Variants in ADAMTS17 observed in about 807,000 individuals in gnomAD.
ADAMTS17 encodes ADAM metallopeptidase with thrombospondin type 1 motif 17.
ADAMTS17 carries 113 observed loss-of-function variants against 141.5 expected under a neutral mutation model. That is an observed-to-expected ratio of 0.80 (90% CI 0.69 to 0.93). The LOEUF is 0.93. Ranked by LOEUF, ADAMTS17 falls within the 40% of genes least tolerant of loss-of-function variation. The pLI is 0.00. For missense variants in ADAMTS17, 1,659 were observed against 1,517.9 expected (o/e 1.09, Z -1.54); for synonymous variants, 768 against 630.6 (o/e 1.22, Z -3.27).
chr15:100,056,143 A>G (rs1463843268), intron 15 of ADAMTS17, among the ~76,000 whole-genome samples: 1 of 152,246 alleles, frequency 6.6e-6, no homozygotes, highest in Non-Finnish European at 1.5e-5. Flanking sequence ...CGGATTTCCA[A>G]TGCTTCTAGT....
chr15:100,243,031 C>T (rs1044491533), intron 7 of ADAMTS17, among the ~76,000 whole-genome samples: 2 of 152,210 alleles, frequency 1.3e-5, no homozygotes, highest in Non-Finnish European at 2.9e-5. Flanking sequence ...TTTCTGTCTC[C>T]ATGAATCTGA....
intron 9 of ADAMTS17, among the ~76,000 whole-genome samples, chr15:100,153,277 C>A (rs1395298454): frequency 6.6e-6 from 1 of 152,176 alleles, no homozygotes; most frequent in Non-Finnish European, 1.5e-5. Flanking sequence ...ACTGGCAACA[C>A]TCGCCGAGGA....
intron 18 of ADAMTS17, among the ~76,000 whole-genome samples, chr15:100,041,070 C>T (rs1316088236): frequency 1.3e-5 from 2 of 152,216 alleles, no homozygotes; most frequent in African/African-American, 4.8e-5. Flanking sequence ...CTCTCTGTCT[C>T]TCATACATGC....
intron 4 of ADAMTS17, among the ~76,000 whole-genome samples, chr15:100,279,448 C>G (rs921791449): frequency 6.6e-6 from 1 of 152,260 alleles, no homozygotes; most frequent in Admixed American, 6.5e-5. Flanking sequence ...CTCCCTACCC[C>G]ACAACCCACG....
chr15:100,109,269 G>A (rs113737112), intron 13 of ADAMTS17, among the ~76,000 whole-genome samples, 153 bp from the exon 14 acceptor site: 3 of 46,778 alleles, frequency 6.4e-5, no homozygotes, highest in African/African-American at 1.6e-4. Flanking sequence ...TCCAGGAAGC[G>A]GAAAAAGACC....
chr15:100,060,377 C>T (rs1001168822), intron 15 of ADAMTS17, among the ~76,000 whole-genome samples: 7 of 152,332 alleles, frequency 4.6e-5, no homozygotes, highest in African/African-American at 1.7e-4. Context: ...GCAGAACGTC[C>T]ATTTCGGTCT....
chr15:100,266,119 G>A (rs12148659), intron 4 of ADAMTS17, among the ~76,000 whole-genome samples: 102,034 of 152,114 alleles, frequency 0.67, 34,593 homozygotes, highest in East Asian at 0.92. Flanking sequence ...TCCACTCCAC[G>A]GTCGTTAAGG....
At chr15:100,003,456 C>T (rs1030044713) in intron 18 of ADAMTS17, among the ~76,000 whole-genome samples, 9 of 152,032 alleles carry the variant, frequency 5.9e-5, no homozygotes, top group African/African-American at 1.7e-4. Context: ...GGGTTGGCCG[C>T]GAGTAAGCGA....
chr15:100,023,471 G>T (rs2061443225), intron 18 of ADAMTS17, among the ~76,000 whole-genome samples: 1 of 152,026 alleles, frequency 6.6e-6, no homozygotes, highest in Admixed American at 6.5e-5. Flanking sequence ...CTCCCAAAGT[G>T]GTGGGATTAC....
intron 14 of ADAMTS17, among the ~76,000 whole-genome samples, chr15:100,096,808 G>C (rs531141526): frequency 1.6e-4 from 25 of 152,368 alleles, no homozygotes; most frequent in African/African-American, 3.4e-4. Flanking sequence ...CCTGGGGAGA[G>C]AGTGAAGCCT....
chr15:100,200,697 C>T (rs1266338064), intron 7 of ADAMTS17, among the ~76,000 whole-genome samples: 12 of 152,188 alleles, frequency 7.9e-5, no homozygotes, highest in African/African-American at 2.7e-4. Flanking sequence ...GCTGGCATAG[C>T]GCCATGGGGC....
At chr15:100,095,666 T>TA (rs1433747787) in intron 15 of ADAMTS17, among the ~76,000 whole-genome samples, 1 of 152,196 alleles carries the variant, frequency 6.6e-6, no homozygotes, top group Non-Finnish European at 1.5e-5. Flanking sequence ...CTCCCCTCAC[T>TA]AGGTGTCAAC....
chr15:100,165,376 C>T (rs1166441942), intron 8 of ADAMTS17, among the ~76,000 whole-genome samples: 1 of 152,168 alleles, frequency 6.6e-6, no homozygotes, highest in Non-Finnish European at 1.5e-5. Flanking sequence ...ACAGAGGATA[C>T]CCACAGCGTG....
intron 3 of ADAMTS17, among the ~76,000 whole-genome samples, chr15:100,312,201 A>G (rs2045427404): frequency 1.3e-5 from 2 of 152,204 alleles, no homozygotes; most frequent in Non-Finnish European, 2.9e-5. Flanking sequence ...GTTATCCTGG[A>G]TTATCTGGGT....
rs911865343 is a variant in ADAMTS17 at position 100,127,680 on chromosome 15, C to A, written c.1721+4327G>T. Among the ~76,000 whole-genome samples, 17 of 152,328 alleles carry A rather than the reference C, an allele frequency of 1.1e-4. No individual in the cohort carries two copies. In the South Asian group the frequency reaches 1.7e-3, roughly 15 times the overall value. ...CACTGCAAACTGCACCTCCCGGGTA[C>A]AAGCGATTCTCCCGCCTCAGCCTCC... On this transcript the variant is annotated intron_variant, in intron 12 of 21. Transcript: ENST00000268070.
At chr15:100,015,974 A>G (rs1052568168) in intron 18 of ADAMTS17, among the ~76,000 whole-genome samples, 1 of 152,172 alleles carries the variant, frequency 6.6e-6, no homozygotes, top group African/African-American at 2.4e-5. Context: ...CCAAACTTTT[A>G]GATTTCTCTT....
intron 3 of ADAMTS17, among the ~76,000 whole-genome samples, chr15:100,304,549 G>T (rs990864134): frequency 3.1e-4 from 47 of 151,970 alleles, no homozygotes; most frequent in African/African-American, 1.1e-3. Context: ...TTGGGGGAAG[G>T]GTTCCATCTG....
At chr15:99,980,768 A>T (rs1323557602) in intron 20 of ADAMTS17, 2 of 152,260 alleles carry the variant, frequency 1.3e-5, no homozygotes, top group African/African-American at 4.8e-5. Context: ...AACCAAGTGC[A>T]GCATTGGCAA....
chr15:100,125,027 T>C (rs1285302828), intron 12 of ADAMTS17, among the ~76,000 whole-genome samples: 1 of 152,192 alleles, frequency 6.6e-6, no homozygotes, highest in Non-Finnish European at 1.5e-5. Flanking sequence ...GTTTGCTGTA[T>C]TAAATGAAGA....
Sources: allele counts gnomAD v4.1 joint callset (sites outside exome capture counted in the v4.1 genomes callset), GRCh38; gene constraint gnomAD v4.1.1; transcripts MANE v1.5; gene names NCBI Gene and HGNC (gene_info 2026-07-23, HGNC 2026-07-21).